The following NCEH1 variants were observed in gnomAD, a reference collection of about 807,000 sequenced individuals.
The protein encoded by NCEH1 is 2-acetyl MAGE hydrolase.
Under a neutral mutation model 25.4 loss-of-function variants are expected in NCEH1, and 9 were observed. That is an observed-to-expected ratio of 0.35 (90% confidence interval 0.21 to 0.62). The LOEUF (loss-of-function observed/expected upper bound fraction) is 0.62, where lower values mean the gene tolerates loss of function less well. Ranked by LOEUF, NCEH1 falls within the 20% of genes least tolerant of loss-of-function variation. The pLI is 0.72. For synonymous variants in NCEH1, 200 were observed against 199.8 expected (o/e 1.00, Z -0.01); for missense variants, 412 against 501.1 (o/e 0.82, Z 1.70).
intron 4 of NCEH1, 110 bp downstream of exon 4, chr3:172,635,806 G>A: frequency 1.0e-6 from 1 of 975,826 alleles, no homozygotes; most frequent in Non-Finnish European, 1.6e-6. Context: ...GCCATCTAGT[G>A]ACCGGCCCAC....
chr3:172,699,842 C>T (rs1438360693), intron 1 of NCEH1, among the ~76,000 whole-genome samples: 3 of 151,996 alleles, frequency 2.0e-5, no homozygotes, highest in Non-Finnish European at 4.4e-5. Context: ...TTCCAGCCTG[C>T]GCCACAGACA....
chr3:172,635,867 C>T (rs375888703), intron 4 of NCEH1, 49 bp downstream of exon 4: 19 of 1,561,096 alleles, frequency 1.2e-5, no homozygotes, highest in Non-Finnish European at 1.6e-5. Flanking sequence ...TCTGCTAGAC[C>T]TTGTCATGCA....
At chr3:172,655,866 C>A (rs1036167879) in intron 1 of NCEH1, among the ~76,000 whole-genome samples, 7 of 152,018 alleles carry the variant, frequency 4.6e-5, no homozygotes, top group African/African-American at 1.7e-4. Flanking sequence ...ACTTAAAGAG[C>A]TGGTGAGCAG....
chr3:172,664,100 T>G (rs953252928), intron 1 of NCEH1, among the ~76,000 whole-genome samples: 13 of 152,218 alleles, frequency 8.5e-5, no homozygotes, highest in African/African-American at 3.1e-4. Context: ...CTGGTACCAG[T>G]TGTTCCTTTC....
At chr3:172,646,906 C>T (rs1013836697) in intron 2 of NCEH1, among the ~76,000 whole-genome samples, 5 of 152,044 alleles carry the variant, frequency 3.3e-5, no homozygotes, top group Non-Finnish European at 7.4e-5. Context: ...TTAGACTGAC[C>T]AATGGTCCAG....
At chr3:172,672,719 G>A (rs538809832) in intron 1 of NCEH1, among the ~76,000 whole-genome samples, 1 of 152,340 alleles carries the variant, frequency 6.6e-6, no homozygotes, top group South Asian at 2.1e-4. Flanking sequence ...AGAAAGCTCA[G>A]GGGAAGGACA....
chr3:172,696,693 CTA>C (rs1426400022), intron 1 of NCEH1, among the ~76,000 whole-genome samples: 6 of 152,158 alleles, frequency 3.9e-5, no homozygotes, highest in Non-Finnish European at 8.8e-5. Flanking sequence ...CTCGTAAACA[CTA>C]TGAAAATGTT....
chr3:172,708,381 G>T (rs1350165516), intron 1 of NCEH1, among the ~76,000 whole-genome samples: 1 of 152,124 alleles, frequency 6.6e-6, no homozygotes, highest in Non-Finnish European at 1.5e-5. Flanking sequence ...TTGAGACAGA[G>T]TTTCACTCTT....
chr3:172,689,407 C>T lies in NCEH1; in HGVS notation c.138+21440G>A, dbSNP rs534043909. Among the ~76,000 whole-genome samples the T allele has an allele frequency of 7.9e-5, 12 of 151,248 alleles. No individual in the cohort carries two copies. The South Asian group carries it at 1.0e-3, about 13-fold the overall frequency. On this transcript the variant is annotated intron_variant, in intron 1 of 4. Transcript: ENST00000475381. ...CCAAGTAGCTGGGACTACAAGCGCC[C>T]GCCTAATTTTTGTAGTTTTAGTAGA...
intron 1 of NCEH1, among the ~76,000 whole-genome samples, chr3:172,708,531 A>G (rs898617138): frequency 1.3e-4 from 19 of 151,966 alleles, no homozygotes; most frequent in Admixed American, 1.2e-3. Context: ...AATTTTTTGT[A>G]TTTTTAGTAG....
chr3:172,642,917 C>A (rs553196320), intron 3 of NCEH1, among the ~76,000 whole-genome samples: 1 of 151,490 alleles, frequency 6.6e-6, no homozygotes, highest in Non-Finnish European at 1.5e-5. Context: ...AGTTCACATT[C>A]TTTTGTTTTT....
At chr3:172,693,048 C>T (rs1713154615) in intron 1 of NCEH1, among the ~76,000 whole-genome samples, 1 of 152,182 alleles carries the variant, frequency 6.6e-6, no homozygotes, top group Admixed American at 6.5e-5. Context: ...ACAGGGGCTT[C>T]CTCCAACCTG....
At chr3:172,673,470 G>T (rs1009236701) in intron 1 of NCEH1, among the ~76,000 whole-genome samples, 1 of 152,220 alleles carries the variant, frequency 6.6e-6, no homozygotes, top group African/African-American at 2.4e-5. Flanking sequence ...TTAAGCAAGG[G>T]AAAGGTGGCT....
chr3:172,683,402 CAAAAAAAAAAAAAAA>C (rs1165644401), intron 1 of NCEH1, among the ~76,000 whole-genome samples: 1 of 15,690 alleles, frequency 6.4e-5, no homozygotes, highest in Admixed American at 9.7e-4. Context: ...GACTCCGTCT[CAAAAAAAAAAAAAAA>C]AAAAAAAAAA....
At chr3:172,694,916 A>G (rs760295742) in intron 1 of NCEH1, among the ~76,000 whole-genome samples, 57 of 152,040 alleles carry the variant, frequency 3.7e-4, no homozygotes, top group Admixed American at 8.5e-4. Flanking sequence ...CCTATTTCCT[A>G]TATTTCCTTT....
At chr3:172,654,730 T>C (rs923633920) in intron 1 of NCEH1, among the ~76,000 whole-genome samples, 14 of 152,214 alleles carry the variant, frequency 9.2e-5, no homozygotes, top group Non-Finnish European at 2.1e-4. Flanking sequence ...ACTTAAAGCA[T>C]CGATTCTAAC....
At chr3:172,688,759 A>G (rs779777024) in intron 1 of NCEH1, among the ~76,000 whole-genome samples, 24 of 152,172 alleles carry the variant, frequency 1.6e-4, no homozygotes, top group African/African-American at 1.2e-4. Flanking sequence ...ATAGGTGTCC[A>G]GTACTGTGCT....
chr3:172,697,020 G>A (rs1283221351), intron 1 of NCEH1, among the ~76,000 whole-genome samples: 1 of 152,002 alleles, frequency 6.6e-6, no homozygotes, highest in African/African-American at 2.4e-5. Flanking sequence ...CTGCCTCCTG[G>A]GTTCAAGCGA....
chr3:172,693,271 C>G (rs1237373847), intron 1 of NCEH1, among the ~76,000 whole-genome samples: 1 of 152,080 alleles, frequency 6.6e-6, no homozygotes, highest in Non-Finnish European at 1.5e-5. Context: ...AGAAGAAGAG[C>G]TATAACAAAA....
Sources: allele counts gnomAD v4.1 joint callset (sites outside exome capture counted in the v4.1 genomes callset), GRCh38; gene constraint gnomAD v4.1.1; transcripts MANE v1.5; gene names NCBI Gene and HGNC (gene_info 2026-07-23, HGNC 2026-07-21).